The following ARMH1 variants were observed in gnomAD, a reference collection of about 807,000 sequenced individuals.
ARMH1 encodes the protein armadillo like helical domain containing 1.
ARMH1 carries 34 observed loss-of-function variants against 50.2 expected under a neutral mutation model. The observed-to-expected ratio is 0.68, with a 90% CI of 0.51 to 0.90. The LOEUF (loss-of-function observed/expected upper bound fraction) is 0.90. Ranked by LOEUF, ARMH1 falls within the 40% of genes least tolerant of loss-of-function variation. ARMH1 has a pLI of 0.00. For missense variants in ARMH1, 538 were observed against 553.9 expected, an observed-to-expected ratio of 0.97 and a Z score of 0.29; for synonymous variants, 221 against 224.2, an observed-to-expected ratio of 0.99 and a Z score of 0.13.
intron 2 of ARMH1, chr1:44,692,963 A>C (rs1473026520): frequency 6.6e-6 from 1 of 152,252 alleles, no homozygotes; most frequent in African/African-American, 2.4e-5. Context: ...AGCTGGTCTC[A>C]AACTCCTGGC....
chr1:44,724,108 C>CTG lies in ARMH1; in HGVS notation c.725-13_725-12dup. On this transcript the variant is annotated splice_polypyrimidine_tract_variant and intron_variant, in intron 6 of 11. Transcript: ENST00000535358. The surrounding 1 kb of genome is among the most constrained non-coding windows in gnomAD (Gnocchi z 6.4). Reference sequence around the variant, plus strand: ...GGCCTGGGGCCTCTCTCCAGCACCTCTGCCCTTCCGCAGCCATCGAGTTGA... The same window carrying CTG: ...GGCCTGGGGCCTCTCTCCAGCACCTCTGTGCCCTTCCGCAGCCATCGAGTTGA... The CTG allele has an allele frequency of 6.4e-7, 1 of 1,550,716 alleles. No homozygotes were observed. Among genetic ancestry groups the CTG allele is most frequent in the Non-Finnish European group, 8.7e-7 (1 of 1,146,398 alleles).
chr1:44,719,517 A>T (rs1420928538), intron 6 of ARMH1, among the ~76,000 whole-genome samples: 1 of 152,222 alleles, frequency 6.6e-6, no homozygotes, highest in East Asian at 1.9e-4. Flanking sequence ...AGGAGAGCTG[A>T]GCATGCAGCC....
intron 6 of ARMH1, among the ~76,000 whole-genome samples, chr1:44,720,917 A>G (rs1234669202): frequency 6.6e-6 from 1 of 152,042 alleles, no homozygotes; most frequent in Non-Finnish European, 1.5e-5. Flanking sequence ...CGCACCTGTA[A>G]TCCCAGCTAC....
chr1:44,713,221 C>G (rs1222991618), intron 6 of ARMH1, among the ~76,000 whole-genome samples: 1 of 151,584 alleles, frequency 6.6e-6, no homozygotes, highest in Non-Finnish European at 1.5e-5. Flanking sequence ...GCCTCAGCCT[C>G]CCGAGTAGCT....
At chr1:44,696,686 T>A (rs530828996) in intron 2 of ARMH1, among the ~76,000 whole-genome samples, 354 of 152,306 alleles carry the variant, frequency 2.3e-3, no homozygotes, top group Non-Finnish European at 3.9e-3. Context: ...TGAGAATTAA[T>A]GATGAAGCTG....
rs1220439770 is a variant in ARMH1, at chr1:44,725,386, G to A, written c.1306G>A (p.Val436Ile). 2.6e-6 allele frequency: 4 copies of A among 1,551,808 alleles called. No homozygotes were observed. The highest frequency in any genetic ancestry group is 4.9e-5 in the East Asian group (2 of 40,920). The change falls in exon 12 of 12, where the codon GTA becomes ATA. Residue 436 changes from valine (V) to isoleucine (I), a missense_variant. By Grantham distance (29) the Val-to-Ile change is conservative. Transcript: ENST00000535358. ...MAYLTHFEED[V>I]ESKE ...CTACCTCACACACTTCGAGGAGGAT[G>A]TAGAATCAAAGGAGTAACAGCCCCT...
At chr1:44,707,422 T>TG (rs1646394176) in intron 6 of ARMH1, among the ~76,000 whole-genome samples, 1 of 151,984 alleles carries the variant, frequency 6.6e-6, no homozygotes, top group South Asian at 2.1e-4. Context: ...TAGAAGTCTG[T>TG]GAAAAAAAAA....
intron 6 of ARMH1, among the ~76,000 whole-genome samples, chr1:44,706,081 C>T (rs568243134): frequency 4.6e-5 from 7 of 152,276 alleles, no homozygotes; most frequent in African/African-American, 1.4e-4. Flanking sequence ...GCAGTCTCTC[C>T]AGTATGCAGC....
rs1645382387 is a variant in ARMH1, at chr1:44,683,711, T to C, written c.-22-5965T>C. Reference sequence around the variant, plus strand: ...TGGCTTAGTGGGGAAAAACCTGGACTTTGGAGTTATATGCAGATCTAAGTT... The same window carrying C: ...TGGCTTAGTGGGGAAAAACCTGGACCTTGGAGTTATATGCAGATCTAAGTT... On this transcript the variant is annotated intron_variant, in intron 1 of 11. Transcript: ENST00000535358. This position sits in a 1 kb window ranked among gnomAD's most constrained non-coding sequence, Gnocchi z 4.2. 6.6e-6 allele frequency among the ~76,000 whole-genome samples: 1 copy of C among 152,170 alleles called. No individual in the cohort carries two copies. Among genetic ancestry groups the C allele is most frequent in the Admixed American group, 6.5e-5 (1 of 15,274 alleles).
At chr1:44,695,641 AAAAC>A (rs1006042065) in intron 2 of ARMH1, among the ~76,000 whole-genome samples, 2 of 152,104 alleles carry the variant, frequency 1.3e-5, no homozygotes, top group African/African-American at 2.4e-5. Flanking sequence ...AAGGAAGAAA[AAAAC>A]AAACAAAAAA....
Position 44,724,886 on chromosome 1 carries a change from G to C in ARMH1, c.1128+47G>C, listed in dbSNP as rs1648046120. ...CGCCGCAATGAGCAGATGGCGGCTC[G>C]GACAGTGTGATGCCCCTTCAGACAG... On this transcript the variant is annotated intron_variant, in intron 10 of 11. Coordinates refer to ENST00000535358, the MANE Select transcript of ARMH1 (RefSeq NM_001145636.2). This position sits in a 1 kb window ranked among gnomAD's most constrained non-coding sequence, Gnocchi z 6.4. 1 of 1,529,808 alleles carries C rather than the reference G, an allele frequency of 6.5e-7. No individual in the cohort carries two copies. The highest frequency in any genetic ancestry group is 1.2e-5 in the South Asian group (1 of 82,282). 94.8% of individuals were successfully genotyped at this position (1,529,808 alleles called of 1,614,324 possible). A position where few individuals can be genotyped will look rare whatever the true frequency, so the allele number is the denominator to read the frequency against.
intron 1 of ARMH1, among the ~76,000 whole-genome samples, chr1:44,685,944 C>T (rs926995477): frequency 2.0e-5 from 3 of 152,034 alleles, no homozygotes; most frequent in Non-Finnish European, 4.4e-5. Context: ...TTATTTCTAA[C>T]GCGGAGTTAT....
At chr1:44,675,679 G>T (rs1054999268) in intron 1 of ARMH1, among the ~76,000 whole-genome samples, 1 of 149,378 alleles carries the variant, frequency 6.7e-6, no homozygotes, top group Non-Finnish European at 1.5e-5. Context: ...AAAACAAAGA[G>T]CCCAGTGTGG....
At chr1:44,721,882 T>TA (rs750732797) in intron 6 of ARMH1, 2 of 152,160 alleles carry the variant, frequency 1.3e-5, no homozygotes, top group Admixed American at 6.5e-5. Flanking sequence ...ATTTATTCGT[T>TA]ATGAAGAGAA....
chr1:44,724,473 C>T lies in ARMH1; in HGVS notation c.921-66C>T, dbSNP rs1215223811. The T allele has an allele frequency of 1.1e-5, 17 of 1,515,946 alleles. No individual in the cohort carries two copies. The South Asian group carries it at 2.0e-4, about 18-fold the overall frequency. 93.9% of individuals were successfully genotyped at this position (1,515,946 alleles called of 1,614,324 possible). A position where few individuals can be genotyped will look rare whatever the true frequency, so the allele number is the denominator to read the frequency against. ...CGGGCCCCGGGAGCGCTCCGTGCGC[C>T]GGGTGGGCGGGGGTGTGCGCCGGGT... On this transcript the variant is annotated intron_variant, in intron 8 of 11. Coordinates refer to ENST00000535358, the MANE Select transcript of ARMH1 (RefSeq NM_001145636.2). This position sits in a 1 kb window ranked among gnomAD's most constrained non-coding sequence, Gnocchi z 6.4.
At position 44,724,071 on chromosome 1, in the gene ARMH1, C is replaced by A; in HGVS notation, c.725-51C>A. 1 of 1,527,364 alleles carries A rather than the reference C, an allele frequency of 6.5e-7. No individual in the cohort carries two copies. Among genetic ancestry groups the A allele is most frequent in the Admixed American group, 2.1e-5 (1 of 46,574 alleles). The allele number at this position is 1,527,364 out of a possible 1,614,324, so 94.6% of individuals were successfully genotyped here. A position where few individuals can be genotyped will look rare whatever the true frequency, so the allele number is the denominator to read the frequency against. ...TGGTTCACGGGGTTCTTTGCTTCCTCGGTGGCGGAGGGGCCTGGGGCCTCT... is the reference window on the plus strand; with the variant it reads ...TGGTTCACGGGGTTCTTTGCTTCCTAGGTGGCGGAGGGGCCTGGGGCCTCT... On this transcript the variant is annotated intron_variant, in intron 6 of 11. Transcript: ENST00000535358. The surrounding 1 kb of genome is among the most constrained non-coding windows in gnomAD (Gnocchi z 6.4).
At chr1:44,696,115 G>A (rs966468630) in intron 2 of ARMH1, among the ~76,000 whole-genome samples, 2 of 152,204 alleles carry the variant, frequency 1.3e-5, no homozygotes, top group Admixed American at 6.5e-5. Context: ...ACCACCGTGT[G>A]GGCTGCTGCC....
chr1:44,722,579 C>G (rs1647462422), intron 6 of ARMH1, among the ~76,000 whole-genome samples: 1 of 150,468 alleles, frequency 6.6e-6, no homozygotes, highest in Non-Finnish European at 1.5e-5. Context: ...AACCCTGTCT[C>G]TACTAAATAC....
rs774283598 is a variant in ARMH1, at chr1:44,725,467, C to A, written c.*64C>A. On this transcript the variant is annotated 3_prime_UTR_variant, in exon 12 of 12. Transcript: ENST00000535358. The stretch of plus-strand genomic sequence containing the variant: ...GCAGGGAAGCCTGGCAAGAGGAAGG[C>A]GCCTGGGGTCAAGCTCAGAGCCACT... 1.8e-4 allele frequency: 271 copies of A among 1,492,608 alleles called. No homozygotes were observed. The highest frequency in any genetic ancestry group is 2.4e-4 in the Non-Finnish European group (266 of 1,095,354). 92.5% of individuals were successfully genotyped at this position (1,492,608 alleles called of 1,614,324 possible). A position where few individuals can be genotyped will look rare whatever the true frequency, so the allele number is the denominator to read the frequency against.
Sources: gnomAD v4.1 joint callset for allele counts (sites outside exome capture counted in the v4.1 genomes callset) on GRCh38, gnomAD v4.1.1 for gene constraint, Gnocchi (gnomAD v3.1) non-coding constraint, MANE v1.5 for transcripts, NCBI Gene and HGNC (gene_info 2026-07-23, HGNC 2026-07-21) for gene names.